PIP5K1B: variants seen among roughly 807,000 people sequenced by gnomAD.
PIP5K1B encodes the protein phosphatidylinositol-4-phosphate 5-kinase type 1 beta.
A neutral mutation model predicts 67.0 loss-of-function variants in PIP5K1B; 42 were observed. The ratio of observed to expected loss-of-function variants is 0.63; its 90% CI spans 0.49 to 0.81. PIP5K1B has a LOEUF of 0.81. PIP5K1B is among the 30% of genes least tolerant of loss of function. The pLI, the probability that PIP5K1B is intolerant of heterozygous loss-of-function variation, is 0.00. For missense variants in PIP5K1B, 459 were observed against 646.3 expected (o/e 0.71, Z 3.14); for synonymous variants, 214 against 231.4 (o/e 0.92, Z 0.68).
chr9:68,988,129 C>T (rs10781313), intron 14 of PIP5K1B, among the ~76,000 whole-genome samples: 61,373 of 151,802 alleles, frequency 0.4, 12,691 homozygotes, highest in Non-Finnish European at 0.46. Flanking sequence ...CCAAACAGTT[C>T]AGGGAAAAAA....
chr9:68,971,424 T>G (rs1829362483), intron 14 of PIP5K1B, among the ~76,000 whole-genome samples: 1 of 152,228 alleles, frequency 6.6e-6, no homozygotes, highest in African/African-American at 2.4e-5. Context: ...TTCCAATTAT[T>G]TGCTATTGTG....
intron 2 of PIP5K1B, chr9:68,779,925 G>C: frequency 2.2e-6 from 1 of 462,302 alleles, no homozygotes; most frequent in Non-Finnish European, 3.7e-6. Flanking sequence ...AGGAATATAC[G>C]GACTAGCGGC....
At chr9:68,761,062 A>C (rs1830162192) in intron 2 of PIP5K1B, among the ~76,000 whole-genome samples, 1 of 152,118 alleles carries the variant, frequency 6.6e-6, no homozygotes, top group Non-Finnish European at 1.5e-5. Context: ...GAGAATGAAG[A>C]TTCTTATATT....
At chr9:68,954,850 G>T (rs1451959613) in intron 14 of PIP5K1B, among the ~76,000 whole-genome samples, 1 of 152,196 alleles carries the variant, frequency 6.6e-6, no homozygotes, top group Non-Finnish European at 1.5e-5. Flanking sequence ...TGCCCCATCT[G>T]CTGGGGGGCA....
intron 7 of PIP5K1B, among the ~76,000 whole-genome samples, chr9:68,893,424 G>T (rs1824909317): frequency 7.2e-6 from 1 of 139,380 alleles, no homozygotes; most frequent in Non-Finnish European, 1.5e-5. Context: ...ACCTCTGCCT[G>T]CCGGGTTAAA....
chr9:68,841,725 T>TC (rs1821932265), intron 4 of PIP5K1B, among the ~76,000 whole-genome samples: 1 of 152,228 alleles, frequency 6.6e-6, no homozygotes, highest in Non-Finnish European at 1.5e-5. Context: ...AATTGAATAT[T>TC]CTGTGTGTTT....
At chr9:68,967,576 T>C (rs1030995778) in intron 14 of PIP5K1B, among the ~76,000 whole-genome samples, 1 of 152,114 alleles carries the variant, frequency 6.6e-6, no homozygotes, top group Non-Finnish European at 1.5e-5. Context: ...GCTCAGAGGA[T>C]TCAACCATTC....
chr9:68,998,172 G>A lies in PIP5K1B; in HGVS notation c.1620+6915G>A. Among the ~76,000 whole-genome samples the A allele has an allele frequency of 1.3e-5, 2 of 150,818 alleles. 1 individual carries two copies. The highest frequency in any genetic ancestry group is 2.9e-5 in the Non-Finnish European group (2 of 67,872). On this transcript the variant is annotated intron_variant, in intron 15 of 15. Transcript: ENST00000265382. ...TGCAACCTCCACCTTCCAGATTCTA[G>A]TGACTCTCCTGCCTCAGCCTCCCAA...
chr9:68,930,652 C>G (rs1020979397), intron 12 of PIP5K1B, among the ~76,000 whole-genome samples: 1 of 151,812 alleles, frequency 6.6e-6, no homozygotes, highest in African/African-American at 2.4e-5. Flanking sequence ...TGCCTCCCAT[C>G]ATGTACCCAT....
At chr9:68,988,444 GTTTTTTTTTTTTT>G (rs61373302) in intron 14 of PIP5K1B, among the ~76,000 whole-genome samples, 1 of 110,010 alleles carries the variant, frequency 9.1e-6, no homozygotes, top group Non-Finnish European at 1.8e-5. Context: ...TTTTTTTGGG[GTTTTTTTTTTTTT>G]TTTTTTTTTT....
At chr9:68,920,759 G>A (rs777845038) in intron 11 of PIP5K1B, among the ~76,000 whole-genome samples, 10 of 140,252 alleles carry the variant, frequency 7.1e-5, no homozygotes, top group Non-Finnish European at 1.2e-4. Context: ...CTCCCATTCC[G>A]TCTCTGTCTC....
At chr9:68,806,587 C>A (rs919187493) in intron 2 of PIP5K1B, among the ~76,000 whole-genome samples, 8 of 152,328 alleles carry the variant, frequency 5.3e-5, no homozygotes, top group South Asian at 4.1e-4. Context: ...GGCCATCTAG[C>A]CCGCCGCTAA....
chr9:69,007,137 C>T (rs373380090), intron 15 of PIP5K1B, among the ~76,000 whole-genome samples: 7 of 152,126 alleles, frequency 4.6e-5, no homozygotes, highest in Admixed American at 6.6e-5. Flanking sequence ...GAGCGGCCAA[C>T]GTATAAAACA....
chr9:68,863,934 AC>A lies in PIP5K1B; in HGVS notation c.168del (p.Tyr58MetfsTer15). On this transcript the variant is annotated frameshift_variant, in exon 5 of 16. Transcript: ENST00000265382. LOFTEE classifies it high-confidence loss of function. ...SKPERDVLMQ[D>X]FYVVESVFLP... The stretch of plus-strand genomic sequence containing the variant: ...CCAGAACGAGATGTTCTTATGCAAG[AC>A]TTTTATGTGGTGGAAAGTGTGTTCC... 1 of 1,613,956 alleles carries A rather than the reference AC, an allele frequency of 6.2e-7. No individual in the cohort carries two copies. Among genetic ancestry groups the A allele is most frequent in the Non-Finnish European group, 8.5e-7 (1 of 1,179,854 alleles).
intron 1 of PIP5K1B, among the ~76,000 whole-genome samples, chr9:68,732,919 G>T (rs568574533): frequency 6.6e-5 from 10 of 150,700 alleles, no homozygotes; most frequent in South Asian, 2.1e-4. Flanking sequence ...GGTGGGTTGG[G>T]GGGGGGGCGG....
chr9:68,798,272 G>A (rs567346814), intron 2 of PIP5K1B, among the ~76,000 whole-genome samples: 11 of 152,298 alleles, frequency 7.2e-5, no homozygotes, highest in African/African-American at 2.4e-4. Flanking sequence ...TTGTAAGATT[G>A]TTCACTTGGT....
intron 14 of PIP5K1B, among the ~76,000 whole-genome samples, chr9:68,975,079 G>A (rs1281912528): frequency 6.6e-6 from 1 of 152,174 alleles, no homozygotes; most frequent in Non-Finnish European, 1.5e-5. Flanking sequence ...TTGTTAGGTT[G>A]GCTGGTTTTG....
At chr9:68,979,857 T>C (rs1430041250) in intron 14 of PIP5K1B, among the ~76,000 whole-genome samples, 1 of 152,098 alleles carries the variant, frequency 6.6e-6, no homozygotes, top group African/African-American at 2.4e-5. Flanking sequence ...TGTCTAAAAA[T>C]AGCAAAAGTG....
At chr9:68,723,021 C>T (rs1425886770) in intron 1 of PIP5K1B, among the ~76,000 whole-genome samples, 1 of 152,160 alleles carries the variant, frequency 6.6e-6, no homozygotes, top group Non-Finnish European at 1.5e-5. Context: ...ACATTTTTAG[C>T]TCCCACATAC....
Sources: allele counts gnomAD v4.1 joint callset (sites outside exome capture counted in the v4.1 genomes callset), GRCh38; gene constraint gnomAD v4.1.1; transcripts MANE v1.5; gene names NCBI Gene and HGNC (gene_info 2026-07-23, HGNC 2026-07-21).